EEF2KMT: variants seen among roughly 807,000 people sequenced by gnomAD.
EEF2KMT encodes eukaryotic elongation factor 2 lysine methyltransferase.
EEF2KMT carries 30 observed loss-of-function variants against 35.1 expected under a neutral mutation model. The observed-to-expected ratio is 0.85, with a 90% CI of 0.64 to 1.16. The LOEUF (loss-of-function observed/expected upper bound fraction) is 1.16, where lower values mean the gene tolerates loss of function less well. Ranked by LOEUF, EEF2KMT falls within the 50% of genes most tolerant of loss-of-function variation. The pLI, the probability that EEF2KMT is intolerant of heterozygous loss-of-function variation, is 0.00. For missense variants in EEF2KMT, 499 were observed against 438.2 expected (o/e 1.14, Z -1.24); for synonymous variants, 190 against 187.7 (o/e 1.01, Z -0.10).
chr16:5,088,253 G>A (rs1369614436), intron 7 of EEF2KMT, among the ~76,000 whole-genome samples: 2 of 101,644 alleles, frequency 2.0e-5, no homozygotes, highest in East Asian at 2.6e-4. Flanking sequence ...CCTCCTGTGC[G>A]AGGTTGTGGG....
At position 5,090,492 on chromosome 16, in the gene EEF2KMT, C is replaced by A. The variant is rs1398175939; in HGVS notation, c.416G>T (p.Trp139Leu). 1 of 1,611,980 alleles carries A rather than the reference C, an allele frequency of 6.2e-7. No individual in the cohort carries two copies. Among genetic ancestry groups the A allele is most frequent in the Admixed American group, 1.7e-5 (1 of 60,018 alleles). The change falls in exon 5 of 8, where the codon TGG (tryptophan) becomes TTG (leucine). Residue 139 changes from tryptophan (W) to leucine (L), a missense_variant. Transcript: ENST00000427587. The surrounding 1 kb of genome is among the most constrained non-coding windows in gnomAD (Gnocchi z 4.1). ...ISYGTTGLVT[W>L]DAALYLAEWA... ...TTCTGCAAGGTAGAGGGCGGCGTCC[C>A]ATGTGACCAGGCCTGTGGTACCGTA...
intron 1 of EEF2KMT, among the ~76,000 whole-genome samples, 160 bp from the exon 2 acceptor site, chr16:5,095,674 C>G (rs549351356): frequency 6.6e-6 from 1 of 152,184 alleles, no homozygotes; most frequent in East Asian, 1.9e-4. Context: ...ATTCAGATGT[C>G]GCAGGGTGCA....
chr16:5,091,564 A>G (rs1957340835), intron 4 of EEF2KMT, among the ~76,000 whole-genome samples: 1 of 152,210 alleles, frequency 6.6e-6, no homozygotes, highest in Admixed American at 6.5e-5. Context: ...TGAAGCAGGT[A>G]GTGTGTGTCA....
chr16:5,090,014 T>G lies in EEF2KMT; in HGVS notation c.742+70A>C. 1 of 1,591,208 alleles carries G rather than the reference T, an allele frequency of 6.3e-7. No individual in the cohort carries two copies. Among genetic ancestry groups the G allele is most frequent in the Non-Finnish European group, 8.5e-7 (1 of 1,176,610 alleles). On this transcript the variant is annotated intron_variant, in intron 6 of 7. Coordinates refer to ENST00000427587, the MANE Select transcript of EEF2KMT (RefSeq NM_201400.4). The surrounding 1 kb of genome is among the most constrained non-coding windows in gnomAD (Gnocchi z 4.1). ...CCCGACAGCGTCCATTGTTCCCTTTTCCCAGAGCCAAGAGCTGGGTAGAGC... is the reference window on the plus strand; with the variant it reads ...CCCGACAGCGTCCATTGTTCCCTTTGCCCAGAGCCAAGAGCTGGGTAGAGC...
Position 5,084,837 on chromosome 16 carries a change from G to T in EEF2KMT, c.*795C>A, listed in dbSNP as rs16834619. The T allele has an allele frequency of 6.3e-7, 1 of 1,596,472 alleles. No individual in the cohort carries two copies. Among genetic ancestry groups the T allele is most frequent in the Admixed American group, 1.7e-5 (1 of 60,014 alleles). On this transcript the variant is annotated 3_prime_UTR_variant, in exon 8 of 8. Transcript: ENST00000427587. Reference sequence around the variant, plus strand: ...GGAGTCGCAGCAGCTCCGATGGGATGAGAGCTGGGTGCAGACTGTGCTCCC... The same window carrying T: ...GGAGTCGCAGCAGCTCCGATGGGATTAGAGCTGGGTGCAGACTGTGCTCCC...
chr16:5,089,393 G>C (rs1957292786), intron 6 of EEF2KMT, 137 bp from the exon 7 acceptor site: 1 of 1,205,092 alleles, frequency 8.3e-7, no homozygotes, highest in East Asian at 2.6e-5. Context: ...TGGGCCATTA[G>C]ATGGAAAGGC....
intron 7 of EEF2KMT, 93 bp downstream of exon 7, chr16:5,089,014 G>A: frequency 6.2e-7 from 1 of 1,601,112 alleles, no homozygotes; most frequent in Non-Finnish European, 8.5e-7. Flanking sequence ...GGGCAACCTA[G>A]CTTTTCCCCG....
At chr16:5,096,682 A>T (rs1251033856) in intron 1 of EEF2KMT, among the ~76,000 whole-genome samples, 1 of 152,192 alleles carries the variant, frequency 6.6e-6, no homozygotes, top group African/African-American at 2.4e-5. Context: ...CTGGGTCTGA[A>T]CTCTCAACTA....
chr16:5,090,212 C>G lies in EEF2KMT; in HGVS notation c.614G>C (p.Gly205Ala), dbSNP rs761367160. The change falls in exon 6 of 8, where the codon GGC becomes GCC. Residue 205 changes from glycine (G) to alanine (A), a missense_variant. Coordinates refer to ENST00000427587, the MANE Select transcript of EEF2KMT (RefSeq NM_201400.4). This position sits in a 1 kb window ranked among gnomAD's most constrained non-coding sequence, Gnocchi z 4.1. ...AGTGATGTCTGCCTCTAATGAGAGG[C>G]CATTGAGAAGGACATTCCCTCGGAG... The part of the protein sequence containing the change: ...EQLRGNVLLN[G>A]LSLEADITAK... The G allele has an allele frequency of 1.9e-6, 3 of 1,611,992 alleles. No homozygotes were observed. In the Admixed American group the frequency reaches 5.0e-5, roughly 27 times the overall value.
At chr16:5,088,113 T>C (rs1372149885) in intron 7 of EEF2KMT, among the ~76,000 whole-genome samples, 2 of 151,850 alleles carry the variant, frequency 1.3e-5, no homozygotes, top group African/African-American at 2.4e-5. Flanking sequence ...GGCTAGCTTC[T>C]GTATGTTTTG....
chr16:5,097,282 G>A (rs1430201164), intron 1 of EEF2KMT: 4 of 1,329,692 alleles, frequency 3.0e-6, no homozygotes, highest in Non-Finnish European at 3.9e-6. Flanking sequence ...GTGGTTACCT[G>A]CGGTCCTGAC....
chr16:5,088,799 C>T (rs1005635366), intron 7 of EEF2KMT, among the ~76,000 whole-genome samples: 3 of 152,180 alleles, frequency 2.0e-5, no homozygotes, highest in East Asian at 1.9e-4. Context: ...CCCGACTGCC[C>T]CTCCCGCCAC....
chr16:5,085,707 C>T lies in EEF2KMT; in HGVS notation c.918G>A (p.Val306=), dbSNP rs1957136038. The change falls in exon 8 of 8, where the codon GTG becomes GTA. Residue 306 remains valine (V), a synonymous_variant. Transcript: ENST00000427587. The stretch of plus-strand genomic sequence containing the variant: ...ACAGTTTCTGCTCATGACGAGGTTC[C>T]ACTTCCCATCTGATCCCGGCCCGGC... ...ELGRAGIRWE[V]EPRHEQKLFP... is the part of the protein sequence containing the mutation. 1.2e-6 allele frequency: 2 copies of T among 1,611,842 alleles called. No individual in the cohort carries two copies. The highest frequency in any genetic ancestry group is 1.3e-5 in the African/African-American group (1 of 74,952).
Position 5,090,242 on chromosome 16 carries a change from T to C in EEF2KMT, c.584A>G (p.Glu195Gly). The C allele has an allele frequency of 6.2e-7, 1 of 1,612,014 alleles. No homozygotes were observed. The highest frequency in any genetic ancestry group is 1.1e-5 in the South Asian group (1 of 90,994). ...IFSDCHSRVL[E>G]QLRGNVLLNG... is the part of the protein sequence containing the mutation. ...GAGAAGGACATTCCCTCGGAGCTGC[T>C]CAAGGACCCGGCTGTGACAGTCGCT... The change falls in exon 6 of 8, where the codon GAG becomes GGG. Residue 195 changes from glutamate (E) to glycine (G), a missense_variant. Glu to Gly is a moderately conservative substitution (Grantham distance 98). Transcript: ENST00000427587. This position sits in a 1 kb window ranked among gnomAD's most constrained non-coding sequence, Gnocchi z 4.1.
intron 1 of EEF2KMT, among the ~76,000 whole-genome samples, chr16:5,096,476 A>G (rs942805267): frequency 6.6e-6 from 1 of 152,146 alleles, no homozygotes; most frequent in African/African-American, 2.4e-5. Flanking sequence ...ACTAGCTAAC[A>G]CCAACATGTA....
At position 5,090,599 on chromosome 16, in the gene EEF2KMT, C is replaced by T. The variant is rs370556695; in HGVS notation, c.343-34G>A. On this transcript the variant is annotated intron_variant, in intron 4 of 7. Transcript: ENST00000427587. This position sits in a 1 kb window ranked among gnomAD's most constrained non-coding sequence, Gnocchi z 4.1. Reference sequence around the variant, plus strand: ...AGAGAAGGCGAGAGAGTCAGTCCAGCGATCAGAAGGCAAGTGGCTTAGAAG... The same window carrying T: ...AGAGAAGGCGAGAGAGTCAGTCCAGTGATCAGAAGGCAAGTGGCTTAGAAG... The T allele has an allele frequency of 2.7e-5, 44 of 1,611,366 alleles. No individual in the cohort carries two copies. The highest frequency in any genetic ancestry group is 3.4e-5 in the Non-Finnish European group (40 of 1,179,546).
Position 5,085,057 on chromosome 16 carries a change from C to A in EEF2KMT, c.*575G>T. 1 of 1,201,268 alleles carries A rather than the reference C, an allele frequency of 8.3e-7. No individual in the cohort carries two copies. Among genetic ancestry groups the A allele is most frequent in the South Asian group, 1.4e-5 (1 of 72,246 alleles). The allele number at this position is 1,201,268 out of a possible 1,614,324, so 74.4% of individuals were successfully genotyped here. On this transcript the variant is annotated 3_prime_UTR_variant, in exon 8 of 8. Coordinates refer to ENST00000427587, the MANE Select transcript of EEF2KMT (RefSeq NM_201400.4). ...CTGTGACCCGGGAAGCTTTGGTTGGCCTTGATTTCTTCTCTGGAGGCTTGG... is the reference window on the plus strand; with the variant it reads ...CTGTGACCCGGGAAGCTTTGGTTGGACTTGATTTCTTCTCTGGAGGCTTGG...
chr16:5,084,580 A>T lies in EEF2KMT; in HGVS notation c.*1052T>A. On this transcript the variant is annotated 3_prime_UTR_variant, in exon 8 of 8. Transcript: ENST00000427587. ...GAAGTTTCCAGAAACTGTGATGTCAAGTTGGAGGCGGAGTGCTGCTGGGGT... is the reference window on the plus strand; with the variant it reads ...GAAGTTTCCAGAAACTGTGATGTCATGTTGGAGGCGGAGTGCTGCTGGGGT... 2 of 1,054,880 alleles carry T rather than the reference A, an allele frequency of 1.9e-6. No individual in the cohort carries two copies. The highest frequency in any genetic ancestry group is 2.8e-6 in the Non-Finnish European group (2 of 718,488). The allele number at this position is 1,054,880 out of a possible 1,614,324, so 65.3% of individuals were successfully genotyped here. A position where few individuals can be genotyped will look rare whatever the true frequency, so the allele number is the denominator to read the frequency against.
Position 5,090,568 on chromosome 16 carries a change from G to A in EEF2KMT, c.343-3C>T, listed in dbSNP as rs370901288. On this transcript the variant is annotated splice_polypyrimidine_tract_variant and splice_region_variant and intron_variant, in intron 4 of 7. Coordinates refer to ENST00000427587, the MANE Select transcript of EEF2KMT (RefSeq NM_201400.4). This position sits in a 1 kb window ranked among gnomAD's most constrained non-coding sequence, Gnocchi z 4.1. ...AGTGTGACCGAGCCTCCCGAGGGCTGCACCAAGAGAAGGCGAGAGAGTCAG... is the reference window on the plus strand; with the variant it reads ...AGTGTGACCGAGCCTCCCGAGGGCTACACCAAGAGAAGGCGAGAGAGTCAG... 4.3e-6 allele frequency: 7 copies of A among 1,611,898 alleles called. No individual in the cohort carries two copies. In the African/African-American group the frequency reaches 8.0e-5, roughly 18 times the overall value.
Sources: gnomAD v4.1 joint callset for allele counts (sites outside exome capture counted in the v4.1 genomes callset) on GRCh38, gnomAD v4.1.1 for gene constraint, Gnocchi (gnomAD v3.1) non-coding constraint, MANE v1.5 for transcripts, NCBI Gene and HGNC (gene_info 2026-07-23, HGNC 2026-07-21) for gene names.